HSD17B1: variants seen among roughly 807,000 people sequenced by gnomAD.
HSD17B1 encodes the protein 17-beta-hydroxysteroid dehydrogenase type 1.
HSD17B1 carries 16 observed loss-of-function variants against 22.7 expected under a neutral mutation model. That is an observed-to-expected ratio of 0.71 (90% CI 0.48 to 1.07). The LOEUF is 1.07. HSD17B1 is among the 50% of genes least tolerant of loss of function. HSD17B1 has a pLI of 0.00. For missense variants in HSD17B1, 533 were observed against 459.9 expected (o/e 1.16, Z -1.45); for synonymous variants, 243 against 211.0 (o/e 1.15, Z -1.31).
At chr17:42,554,648 G>A (rs902801914) in intron 5 of HSD17B1, 21 bp from the exon 6 acceptor site, 3 of 1,605,448 alleles carry the variant, frequency 1.9e-6, no homozygotes, top group Non-Finnish European at 2.5e-6. Flanking sequence ...GGTGGCCACA[G>A]CTCTCCTCCC....
Position 42,554,694 on chromosome 17 carries a change from C to G in HSD17B1, c.743C>G (p.Pro248Arg), listed in dbSNP as rs1193466324. 46 of 1,603,690 alleles carry G rather than the reference C, an allele frequency of 2.9e-5. No homozygotes were observed. Among genetic ancestry groups the G allele is most frequent in the Non-Finnish European group, 3.8e-5 (45 of 1,179,608 alleles). ...GTCTTCCTCACCGCTTTGCGCGCCCCGAAGCCGACCCTGCGCTACTTCACC... is the reference window on the plus strand; with the variant it reads ...GTCTTCCTCACCGCTTTGCGCGCCCGGAAGCCGACCCTGCGCTACTTCACC... ...AEVFLTALRA[P>R]KPTLRYFTTE... The change falls in exon 6 of 6, where the codon CCG (proline) becomes CGG (arginine). Residue 248 changes from proline (P) to arginine (R), a missense_variant. Transcript: ENST00000585807.
rs1381684951 is a variant in HSD17B1, at chr17:42,554,737, C to T, written c.786C>T (p.Pro262=). 5.0e-6 allele frequency: 8 copies of T among 1,604,116 alleles called. No homozygotes were observed. Among genetic ancestry groups the T allele is most frequent in the East Asian group, 4.5e-5 (2 of 44,878 alleles). ...LRYFTTERFL[P]LLRMRLDDPS... ...ACTTCACCACCGAGCGCTTCCTGCCCCTGCTGCGGATGCGCCTGGACGACC... is the reference window on the plus strand; with the variant it reads ...ACTTCACCACCGAGCGCTTCCTGCCTCTGCTGCGGATGCGCCTGGACGACC... The change falls in exon 6 of 6, where the codon CCC becomes CCT. Residue 262 remains proline, a synonymous_variant. Coordinates refer to ENST00000585807, the MANE Select transcript of HSD17B1 (RefSeq NM_000413.4).
At chr17:42,553,056 G>C (rs1179929828) in intron 1 of HSD17B1, 26 bp downstream of exon 1, 1 of 1,614,102 alleles carries the variant, frequency 6.2e-7, no homozygotes, top group Non-Finnish European at 8.5e-7. Flanking sequence ...GACAGGGAGG[G>C]AGAGAAGGGA....
Position 42,552,995 on chromosome 17 carries a change from T to A in HSD17B1, c.62T>A (p.Val21Glu), listed in dbSNP as rs202205173. The A allele has an allele frequency of 6.2e-7, 1 of 1,614,128 alleles. No individual in the cohort carries two copies. The change falls in exon 1 of 6, where the codon GTA (valine) becomes GAA (glutamate). Residue 21 changes from valine (V) to glutamate (E), a missense_variant. Physicochemically the swap from Val to Glu is moderately radical, Grantham distance 121 (BLOSUM62 -2). Transcript: ENST00000585807. ...TCGGGCATCGGCCTGCACTTGGCCG[T>A]ACGTCTGGCTTCAGATCCATCCCAG... ...CSSGIGLHLAVRLASDPSQSF... is the reference protein window; with the variant it reads ...CSSGIGLHLAERLASDPSQSF...
At position 42,555,100 on chromosome 17, in the gene HSD17B1, C is replaced by T. The variant is rs2092959155; in HGVS notation, c.*162C>T. ...GGCGCGATGGCTGTCGCCTGTAATG[C>T]CAGCGCTTTGGGAGGCGGAGGCAGG... On this transcript the variant is annotated 3_prime_UTR_variant, in exon 6 of 6. Transcript: ENST00000585807. 7.4e-7 allele frequency: 1 copy of T among 1,345,676 alleles called. No individual in the cohort carries two copies. The highest frequency in any genetic ancestry group is 9.5e-7 in the Non-Finnish European group (1 of 1,048,052). The allele number at this position is 1,345,676 out of a possible 1,614,324, so 83.4% of individuals were successfully genotyped here. A position where few individuals can be genotyped will look rare whatever the true frequency, so the allele number is the denominator to read the frequency against.
At position 42,553,255 on chromosome 17, in the gene HSD17B1, C is replaced by T. The variant is rs915251104; in HGVS notation, c.229C>T (p.Arg77Trp). 3.1e-6 allele frequency: 5 copies of T among 1,611,844 alleles called. No homozygotes were observed. The highest frequency in any genetic ancestry group is 2.7e-5 in the African/African-American group (2 of 74,938). Reference protein sequence around the residue: ...VRDSKSVAAARERVTEGRVDV... With the variant: ...VRDSKSVAAAWERVTEGRVDV... Reference sequence around the variant, plus strand: ...GGACTCAAAATCCGTGGCCGCTGCCCGGGAACGCGTGACTGAGGGCCGCGT... The same window carrying T: ...GGACTCAAAATCCGTGGCCGCTGCCTGGGAACGCGTGACTGAGGGCCGCGT... Residue 77 changes from arginine to tryptophan, a missense_variant, in exon 2 of 6, where the codon CGG (arginine) becomes TGG (tryptophan). Coordinates refer to ENST00000585807, the MANE Select transcript of HSD17B1 (RefSeq NM_000413.4).
chr17:42,554,888 G>T lies in HSD17B1; in HGVS notation c.937G>T (p.Gly313Cys), dbSNP rs605059. 3.7e-5 allele frequency: 57 copies of T among 1,538,892 alleles called. No homozygotes were observed. Among genetic ancestry groups the T allele is most frequent in the Non-Finnish European group, 4.7e-5 (54 of 1,150,908 alleles). The change falls in exon 6 of 6, where the codon GGT becomes TGT. Residue 313 changes from glycine to cysteine, a missense_variant. Transcript: ENST00000585807. ...TGGGGCAGAGGACGAGGCCGGGCGC[G>T]GTGCGGTGGGGGACCCTGAGCTCGG... ...GPGAEDEAGR[G>C]AVGDPELGDP...
intron 3 of HSD17B1, 30 bp from the exon 4 acceptor site, chr17:42,553,764 C>G (rs1217391290): frequency 6.2e-7 from 1 of 1,606,942 alleles, no homozygotes; most frequent in East Asian, 2.2e-5. Context: ...CTGGCCGCTG[C>G]GCCTCAGGAA....
In HSD17B1 at chr17:42,554,812, C is replaced by A. The variant is rs770918519; in HGVS notation, c.861C>A (p.Asp287Glu). The A allele has an allele frequency of 1.9e-6, 3 of 1,600,986 alleles. 1 individual carries two copies. The South Asian group carries it at 3.3e-5, about 18-fold the overall frequency. ...CCATGCACCGGGAAGTGTTCGGCGA[C>A]GTTCCGGCAAAGGCCGAGGCTGGGG... is the stretch of plus-strand genomic sequence containing the variant. ...VTAMHREVFGDVPAKAEAGAE... is the reference protein window; with the variant it reads ...VTAMHREVFGEVPAKAEAGAE... The change falls in exon 6 of 6, where the codon GAC becomes GAA. Residue 287 changes from aspartate to glutamate, a missense_variant. Asp to Glu is a conservative substitution (Grantham distance 45). Coordinates refer to ENST00000585807, the MANE Select transcript of HSD17B1 (RefSeq NM_000413.4).
In HSD17B1 at chr17:42,554,674, C is replaced by A. The variant is rs199520196; in HGVS notation, c.723C>A (p.Phe241Leu). The A allele has an allele frequency of 6.2e-7, 1 of 1,604,744 alleles. No homozygotes were observed. Among genetic ancestry groups the A allele is most frequent in the Non-Finnish European group, 8.5e-7 (1 of 1,179,228 alleles). ...CTCTCCTCCCGCCGCCGCAGGTCTT[C>A]CTCACCGCTTTGCGCGCCCCGAAGC... ...AQNPEEVAEV[F>L]LTALRAPKPT... The change falls in exon 6 of 6, where the codon TTC becomes TTA. Residue 241 changes from phenylalanine (F) to leucine (L), a missense_variant. Physicochemically the swap from Phe to Leu is conservative, Grantham distance 22. Coordinates refer to ENST00000585807, the MANE Select transcript of HSD17B1 (RefSeq NM_000413.4).
In HSD17B1 at chr17:42,553,204, C is replaced by T; in HGVS notation, c.178C>T (p.Leu60=). 1 of 1,613,772 alleles carries T rather than the reference C, an allele frequency of 6.2e-7. No individual in the cohort carries two copies. The highest frequency in any genetic ancestry group is 8.5e-7 in the Non-Finnish European group (1 of 1,180,020). The change falls in exon 2 of 6, where the codon CTG becomes TTG. Residue 60 remains leucine (L), a synonymous_variant. Transcript: ENST00000585807. ...GGCCCTGGCATGCCCTCCGGGATCCCTGGAGACGTTGCAGCTGGACGTAAG... is the reference window on the plus strand; with the variant it reads ...GGCCCTGGCATGCCCTCCGGGATCCTTGGAGACGTTGCAGCTGGACGTAAG... The part of the protein sequence containing the change: ...ARALACPPGS[L]ETLQLDVRDS...
In HSD17B1 at chr17:42,553,312, T is replaced by TTCCA. The variant is rs758437777; in HGVS notation, c.265+21_265+22insTCCA. 2.6e-4 allele frequency: 418 copies of TTCCA among 1,604,772 alleles called. 2 individuals carry two copies. In the African/African-American group the frequency reaches 5.0e-3, roughly 19 times the overall value. On this transcript the variant is annotated intron_variant, in intron 2 of 5. Coordinates refer to ENST00000585807, the MANE Select transcript of HSD17B1 (RefSeq NM_000413.4). ...GCTGGGTGAGCCTCCTGGAAGCATA[T>TTCCA]GGGCTCCTAGGAGCCTTCTCCGCCC...
At position 42,553,439 on chromosome 17, in the gene HSD17B1, T is replaced by G; in HGVS notation, c.266T>G (p.Val89Gly). 1 of 1,612,134 alleles carries G rather than the reference T, an allele frequency of 6.2e-7. No homozygotes were observed. Among genetic ancestry groups the G allele is most frequent in the Non-Finnish European group, 8.5e-7 (1 of 1,179,780 alleles). The stretch of plus-strand genomic sequence containing the variant: ...CTGGTCGGGCCTCTTGTCTCCGCAG[T>G]GTGTAACGCAGGCCTGGGCCTGCTG... Reference protein sequence around the residue: ...RVTEGRVDVLVCNAGLGLLGP... With the variant: ...RVTEGRVDVLGCNAGLGLLGP... The change falls in exon 3 of 6, where the codon GTG (valine) becomes GGG (glycine). Residue 89 changes from valine (V) to glycine (G), a missense_variant and splice_region_variant. Coordinates refer to ENST00000585807, the MANE Select transcript of HSD17B1 (RefSeq NM_000413.4).
chr17:42,553,143 C>A lies in HSD17B1; in HGVS notation c.117C>A (p.Asp39Glu). The A allele has an allele frequency of 6.2e-7, 1 of 1,613,852 alleles. No individual in the cohort carries two copies. Among genetic ancestry groups the A allele is most frequent in the Non-Finnish European group, 8.5e-7 (1 of 1,179,990 alleles). ...QSFKVYATLR[D>E]LKTQGRLWEA... Reference sequence around the variant, plus strand: ...CTCCAGTGTATGCCACGTTGAGGGACCTGAAAACACAGGGCCGGCTGTGGG... The same window carrying A: ...CTCCAGTGTATGCCACGTTGAGGGAACTGAAAACACAGGGCCGGCTGTGGG... The change falls in exon 2 of 6, where the codon GAC (aspartate) becomes GAA (glutamate). Residue 39 changes from aspartate to glutamate, a missense_variant. Coordinates refer to ENST00000585807, the MANE Select transcript of HSD17B1 (RefSeq NM_000413.4).
chr17:42,554,256 C>T, intron 4 of HSD17B1, 149 bp from the exon 5 acceptor site: 1 of 1,141,392 alleles, frequency 8.8e-7, no homozygotes, highest in Non-Finnish European at 1.2e-6. Context: ...CTGGTTATCC[C>T]CAGCGCCCTT....
In HSD17B1 at chr17:42,553,593, G is replaced by C; in HGVS notation, c.420G>C (p.Val140=). 2 of 1,610,082 alleles carry C rather than the reference G, an allele frequency of 1.2e-6. No individual in the cohort carries two copies. The highest frequency in any genetic ancestry group is 1.7e-6 in the Non-Finnish European group (2 of 1,178,260). The change falls in exon 3 of 6, where the codon GTG becomes GTC. Residue 140 remains valine (V), a synonymous_variant. Transcript: ENST00000585807. ...GGCGCGGTTCGGGACGCGTGTTGGT[G>C]ACCGGGAGCGTGGGAGGATTGATGG... ...MKRRGSGRVL[V]TGSVGGLMGL...
chr17:42,553,694 G>A (rs537368847), intron 3 of HSD17B1, 76 bp downstream of exon 3: 29 of 1,598,272 alleles, frequency 1.8e-5, no homozygotes, highest in Non-Finnish European at 2.4e-5. Context: ...AGGTTCCGCG[G>A]GGGGGGTGGA....
Position 42,554,743 on chromosome 17 carries a change from G to A in HSD17B1, c.792G>A (p.Leu264=), listed in dbSNP as rs2092957279. 1 of 1,604,080 alleles carries A rather than the reference G, an allele frequency of 6.2e-7. No individual in the cohort carries two copies. The highest frequency in any genetic ancestry group is 1.1e-5 in the South Asian group (1 of 91,086). ...CCACCGAGCGCTTCCTGCCCCTGCT[G>A]CGGATGCGCCTGGACGACCCCAGCG... ...YFTTERFLPL[L]RMRLDDPSGS... is the part of the protein sequence containing the mutation. The change falls in exon 6 of 6, where the codon CTG becomes CTA. Residue 264 remains leucine (L), a synonymous_variant. Coordinates refer to ENST00000585807, the MANE Select transcript of HSD17B1 (RefSeq NM_000413.4).
At chr17:42,553,932 A>G in intron 4 of HSD17B1, 45 bp downstream of exon 4, 1 of 1,514,232 alleles carries the variant, frequency 6.6e-7, no homozygotes, top group African/African-American at 1.4e-5. Context: ...ACTCTGACCT[A>G]GAGACGCCGA....
Sources: allele counts gnomAD v4.1 joint callset, GRCh38; gene constraint gnomAD v4.1.1; transcripts MANE v1.5; gene names NCBI Gene and HGNC (gene_info 2026-07-23, HGNC 2026-07-21).